The following CNTN5 variants were observed in gnomAD, a reference collection of about 807,000 sequenced individuals.
CNTN5 encodes the protein contactin-5.
Under a neutral mutation model 129.1 loss-of-function variants are expected in CNTN5, and 77 were observed. The observed-to-expected ratio is 0.60, with a 90% CI of 0.50 to 0.72. CNTN5 has a LOEUF of 0.72. Among genes scored for constraint, CNTN5 ranks in the 30% least tolerant of loss-of-function variants. The pLI, the probability that CNTN5 is intolerant of heterozygous loss-of-function variation, is 0.00. For missense variants in CNTN5, 1,478 were observed against 1,328.8 expected, an observed-to-expected ratio of 1.11 and a Z score of -1.75; for synonymous variants, 509 against 465.6, an observed-to-expected ratio of 1.09 and a Z score of -1.20.
At chr11:99,485,040 T>C (rs1246456492) in intron 2 of CNTN5, among the ~76,000 whole-genome samples, 1 of 152,074 alleles carries the variant, frequency 6.6e-6, no homozygotes. Flanking sequence ...CAATAATACA[T>C]AGTTTCAAAT....
At chr11:100,240,544 T>C (rs1405734031) in intron 16 of CNTN5, among the ~76,000 whole-genome samples, 1 of 152,200 alleles carries the variant, frequency 6.6e-6, no homozygotes, top group Non-Finnish European at 1.5e-5. Context: ...ATATTCATTG[T>C]TTTTCAAGTC....
intron 20 of CNTN5, among the ~76,000 whole-genome samples, chr11:100,305,049 C>T (rs73563802): frequency 0.064 from 9,615 of 151,348 alleles, 1,001 homozygotes; most frequent in African/African-American, 0.22. Context: ...AGGGAACTAT[C>T]TATGTTTTCT....
chr11:99,917,961 G>A (rs529374270), intron 7 of CNTN5, among the ~76,000 whole-genome samples: 6 of 152,094 alleles, frequency 3.9e-5, no homozygotes, highest in Non-Finnish European at 8.8e-5. Context: ...CTTGACCAAG[G>A]CCAACTTGAT....
chr11:100,153,090 C>T (rs1338394666), intron 13 of CNTN5, among the ~76,000 whole-genome samples: 1 of 151,940 alleles, frequency 6.6e-6, no homozygotes, highest in Non-Finnish European at 1.5e-5. Context: ...TTATGAGAAA[C>T]AATAAGGGGC....
At chr11:99,470,111 G>A (rs2726385) in intron 2 of CNTN5, among the ~76,000 whole-genome samples, 123,841 of 152,054 alleles carry the variant, frequency 0.81, 50,797 homozygotes, top group Middle Eastern at 0.89. Context: ...AGTGTTCTCT[G>A]TCAGTTCGTT....
At chr11:99,622,742 G>T (rs1346742784) in intron 3 of CNTN5, among the ~76,000 whole-genome samples, 4 of 151,812 alleles carry the variant, frequency 2.6e-5, no homozygotes, top group Admixed American at 6.6e-5. Flanking sequence ...CAATGAAAAG[G>T]CCCGTTCCCT....
At chr11:99,675,155 AT>A (rs1204319081) in intron 3 of CNTN5, among the ~76,000 whole-genome samples, 15 of 152,186 alleles carry the variant, frequency 9.9e-5, no homozygotes, top group Non-Finnish European at 1.8e-4. Context: ...CATGTCCTAA[AT>A]TTCTCTGAAT....
At chr11:99,467,409 A>G (rs754646405) in intron 2 of CNTN5, among the ~76,000 whole-genome samples, 4 of 152,124 alleles carry the variant, frequency 2.6e-5, no homozygotes, top group African/African-American at 4.8e-5. Flanking sequence ...CTTTTCTCCT[A>G]TGGTGCTAGT....
At chr11:99,661,568 A>C (rs1049574420) in intron 3 of CNTN5, among the ~76,000 whole-genome samples, 1 of 152,076 alleles carries the variant, frequency 6.6e-6, no homozygotes, top group Non-Finnish European at 1.5e-5. Flanking sequence ...TACGATGTGC[A>C]TGCATTTGTT....
intron 4 of CNTN5, among the ~76,000 whole-genome samples, chr11:99,820,143 T>A (rs1946750498): frequency 9.4e-6 from 1 of 106,860 alleles, no homozygotes; most frequent in African/African-American, 3.5e-5. Flanking sequence ...CTGTGTTGGT[T>A]GTAAGTTAGT....
intron 1 of CNTN5, among the ~76,000 whole-genome samples, chr11:99,179,383 A>G (rs1857935028): frequency 6.6e-6 from 1 of 152,196 alleles, no homozygotes; most frequent in Non-Finnish European, 1.5e-5. Context: ...CAGAGGTTAC[A>G]GTGAGCCAAG....
At chr11:100,284,293 G>A (rs1394402473) in intron 18 of CNTN5, among the ~76,000 whole-genome samples, 1 of 152,168 alleles carries the variant, frequency 6.6e-6, no homozygotes, top group Non-Finnish European at 1.5e-5. Context: ...TTGCCAAGGG[G>A]ACAATCAGTG....
At chr11:100,279,091 A>G (rs1950577655) in intron 18 of CNTN5, among the ~76,000 whole-genome samples, 1 of 152,000 alleles carries the variant, frequency 6.6e-6, no homozygotes, top group Non-Finnish European at 1.5e-5. Flanking sequence ...TTCTGTTGGT[A>G]TAATGTATCA....
At chr11:99,982,487 A>G (rs1180611894) in intron 8 of CNTN5, among the ~76,000 whole-genome samples, 1 of 152,228 alleles carries the variant, frequency 6.6e-6, no homozygotes, top group Non-Finnish European at 1.5e-5. Flanking sequence ...GTCTGTGGAA[A>G]GAAAAAAGAA....
At chr11:99,107,261 C>T (rs1277327575) in intron 1 of CNTN5, among the ~76,000 whole-genome samples, 8 of 152,094 alleles carry the variant, frequency 5.3e-5, no homozygotes, top group African/African-American at 1.9e-4. Flanking sequence ...GTGGAACATA[C>T]ATACATACAT....
In CNTN5 at chr11:99,419,394, TA is replaced by T. The variant is rs768380147; in HGVS notation, c.-71+93918del. 7.9e-5 allele frequency among the ~76,000 whole-genome samples: 12 copies of T among 152,232 alleles called. 1 individual carries two copies. The highest frequency in any genetic ancestry group is 7.7e-4 in the East Asian group (4 of 5,186). On this transcript the variant is annotated intron_variant, in intron 2 of 24. Transcript: ENST00000524871. Reference sequence around the variant, plus strand: ...AGAAGTTGAGAGGTTTGTTTTATATTAAAAAAAATTTGTCTTACAAATTATT... The same window carrying T: ...AGAAGTTGAGAGGTTTGTTTTATATTAAAAAAATTTGTCTTACAAATTATT...
chr11:99,236,122 A>G (rs1193614842), intron 1 of CNTN5, among the ~76,000 whole-genome samples: 2 of 152,186 alleles, frequency 1.3e-5, no homozygotes, highest in Admixed American at 1.3e-4. Flanking sequence ...ATTCTCAGTA[A>G]TCATGGAGTA....
intron 22 of CNTN5, 126 bp downstream of exon 22, chr11:100,340,775 G>T: frequency 1.2e-6 from 1 of 845,058 alleles, no homozygotes; most frequent in Non-Finnish European, 1.8e-6. Flanking sequence ...TCTTGCTTCA[G>T]TGCTTAGATC....
intron 3 of CNTN5, among the ~76,000 whole-genome samples, chr11:99,560,633 G>T (rs939650689): frequency 6.6e-6 from 1 of 152,100 alleles, no homozygotes; most frequent in Admixed American, 6.5e-5. Flanking sequence ...GGAGTTAGGG[G>T]ATAAACAGAC....
Sources: gnomAD v4.1 joint callset for allele counts (sites outside exome capture counted in the v4.1 genomes callset) on GRCh38, gnomAD v4.1.1 for gene constraint, MANE v1.5 for transcripts, NCBI Gene and HGNC (gene_info 2026-07-23, HGNC 2026-07-21) for gene names.